Variants in SLC24A3 observed in about 807,000 individuals in gnomAD.
SLC24A3 encodes the protein solute carrier family 24 member 3.
A neutral mutation model predicts 75.8 loss-of-function variants in SLC24A3; 28 were observed. That is an observed-to-expected ratio of 0.37 (90% CI 0.27 to 0.51). The LOEUF (loss-of-function observed/expected upper bound fraction) is 0.51. Ranked by LOEUF, SLC24A3 falls within the 20% of genes least tolerant of loss-of-function variation. The pLI, the probability that SLC24A3 is intolerant of heterozygous loss-of-function variation, is 0.94. For missense variants in SLC24A3, 663 were observed against 847.8 expected (o/e 0.78, Z 2.71); for synonymous variants, 372 against 334.1 (o/e 1.11, Z -1.24).
At chr20:19,519,754 T>A (rs1473332072) in intron 3 of SLC24A3, among the ~76,000 whole-genome samples, 1 of 152,240 alleles carries the variant, frequency 6.6e-6, no homozygotes, top group Non-Finnish European at 1.5e-5. Context: ...TTTTCTAGAA[T>A]TGTAGTTTGT....
intron 2 of SLC24A3, among the ~76,000 whole-genome samples, chr20:19,507,269 A>G (rs1217936222): frequency 1.3e-5 from 2 of 152,198 alleles, no homozygotes; most frequent in African/African-American, 4.8e-5. Context: ...CCCCCAGTCT[A>G]CTGGAGAAGA....
At chr20:19,264,019 C>T (rs144159715) in intron 1 of SLC24A3, 2,025 of 150,708 alleles carry the variant, frequency 0.013, 22 homozygotes, top group Middle Eastern at 0.048. Context: ...GACAGGAGTT[C>T]GAGACTAGCC....
intron 6 of SLC24A3, among the ~76,000 whole-genome samples, chr20:19,611,958 G>C (rs2031675974): frequency 6.6e-6 from 1 of 152,104 alleles, no homozygotes; most frequent in Non-Finnish European, 1.5e-5. Flanking sequence ...TCCCCTGCCT[G>C]CCCACCTTGG....
intron 2 of SLC24A3, among the ~76,000 whole-genome samples, chr20:19,314,603 C>T (rs936873179): frequency 6.6e-6 from 1 of 152,226 alleles, no homozygotes; most frequent in Non-Finnish European, 1.5e-5. Flanking sequence ...GCGTGAGCTA[C>T]TGCGCCCTGC....
At chr20:19,589,098 G>C (rs1165740964) in intron 6 of SLC24A3, among the ~76,000 whole-genome samples, 4 of 152,244 alleles carry the variant, frequency 2.6e-5, no homozygotes, top group Admixed American at 6.5e-5. Flanking sequence ...CTGCATTTGG[G>C]CTTCCCCAAG....
chr20:19,563,132 C>T (rs1230633240), intron 3 of SLC24A3, among the ~76,000 whole-genome samples: 2 of 152,178 alleles, frequency 1.3e-5, no homozygotes, highest in African/African-American at 4.8e-5. Context: ...TTAATCCGCA[C>T]AACTGAAGAC....
At chr20:19,249,904 C>T (rs562211069) in intron 1 of SLC24A3, among the ~76,000 whole-genome samples, 2 of 152,356 alleles carry the variant, frequency 1.3e-5, no homozygotes, top group Non-Finnish European at 2.9e-5. Flanking sequence ...GCCTACAGAA[C>T]TATGCCAAGT....
intron 15 of SLC24A3, among the ~76,000 whole-genome samples, chr20:19,702,622 C>CA (rs11470232): frequency 0.11 from 15,831 of 148,952 alleles, 1,097 homozygotes; most frequent in Non-Finnish European, 0.16. Flanking sequence ...GTAATAAGTG[C>CA]AAAAAAAAAA....
intron 1 of SLC24A3, among the ~76,000 whole-genome samples, chr20:19,267,981 A>G (rs986693052): frequency 1.3e-5 from 2 of 152,214 alleles, no homozygotes; most frequent in African/African-American, 4.8e-5. Context: ...ATTATTTGCC[A>G]AAAGACAATC....
chr20:19,642,428 G>A (rs1342212991), intron 6 of SLC24A3, among the ~76,000 whole-genome samples: 1 of 152,198 alleles, frequency 6.6e-6, no homozygotes, highest in Non-Finnish European at 1.5e-5. Context: ...ATGAGGAAGT[G>A]CATAGGCAGC....
At chr20:19,560,412 A>G (rs2030857259) in intron 3 of SLC24A3, among the ~76,000 whole-genome samples, 1 of 152,246 alleles carries the variant, frequency 6.6e-6, no homozygotes, top group Non-Finnish European at 1.5e-5. Context: ...ATGGGCTGAG[A>G]AAAGTTCTCT....
At chr20:19,646,521 AACG>A (rs1360151794) in intron 6 of SLC24A3, among the ~76,000 whole-genome samples, 11 of 152,222 alleles carry the variant, frequency 7.2e-5, no homozygotes, top group African/African-American at 2.7e-4. Context: ...TAATGTTAAC[AACG>A]ATAACAGTTA....
chr20:19,311,613 G>A (rs907773088), intron 2 of SLC24A3, among the ~76,000 whole-genome samples: 2 of 152,100 alleles, frequency 1.3e-5, no homozygotes, highest in Non-Finnish European at 2.9e-5. Flanking sequence ...AGGCTTCCAG[G>A]AGGAGGCAGT....
At chr20:19,476,835 T>A (rs937570155) in intron 2 of SLC24A3, among the ~76,000 whole-genome samples, 1 of 152,154 alleles carries the variant, frequency 6.6e-6, no homozygotes, top group South Asian at 2.1e-4. Flanking sequence ...GGAGGAACGA[T>A]AGCACAGCAA....
chr20:19,286,640 T>G (rs1983826132), intron 2 of SLC24A3, among the ~76,000 whole-genome samples: 1 of 152,198 alleles, frequency 6.6e-6, no homozygotes, highest in South Asian at 2.1e-4. Flanking sequence ...TCAATACCCA[T>G]TAATAATTGA....
intron 6 of SLC24A3, among the ~76,000 whole-genome samples, chr20:19,627,536 G>A (rs1216935630): frequency 1.3e-5 from 2 of 152,024 alleles, no homozygotes; most frequent in African/African-American, 4.8e-5. Context: ...CAGATGGACT[G>A]AGGATGGGGG....
chr20:19,248,748 A>C (rs1275775985), intron 1 of SLC24A3, among the ~76,000 whole-genome samples: 1 of 152,060 alleles, frequency 6.6e-6, no homozygotes. Context: ...GCAGCAACCA[A>C]AGCGTCCATC....
rs370211267 is a variant in SLC24A3, at chr20:19,563,176, T to A, written c.349-16824T>A. Reference sequence around the variant, plus strand: ...ATCCCCTCTACCTGAAGGATCTTTTTTTCTTCTGCTATTGCTAGCCTAAAT... The same window carrying A: ...ATCCCCTCTACCTGAAGGATCTTTTATTCTTCTGCTATTGCTAGCCTAAAT... On this transcript the variant is annotated intron_variant, in intron 3 of 16. Transcript: ENST00000328041. Among the ~76,000 whole-genome samples the A allele has an allele frequency of 4.7e-4, 72 of 152,342 alleles. No individual in the cohort carries two copies. The Middle Eastern group carries it at 0.01, about 22-fold the overall frequency.
chr20:19,542,806 C>G (rs1189834851), intron 3 of SLC24A3, among the ~76,000 whole-genome samples: 1 of 152,142 alleles, frequency 6.6e-6, no homozygotes, highest in Non-Finnish European at 1.5e-5. Flanking sequence ...GAGCCTCTTT[C>G]AGAAGACAAC....
Sources: gnomAD v4.1 joint callset for allele counts (sites outside exome capture counted in the v4.1 genomes callset) on GRCh38, gnomAD v4.1.1 for gene constraint, MANE v1.5 for transcripts, NCBI Gene and HGNC (gene_info 2026-07-23, HGNC 2026-07-21) for gene names.